Variants in ZNF844 observed in about 807,000 individuals in gnomAD.
The protein encoded by ZNF844 is zinc finger protein 844.
In ZNF844, 11 loss-of-function variants were observed where a neutral mutation model predicts 11.4. The ratio of observed to expected loss-of-function variants is 0.97; its 90% CI spans 0.61 to 1.60. The LOEUF is 1.60. Among genes scored for constraint, ZNF844 ranks in the 40% most tolerant of loss-of-function variants. ZNF844 has a pLI of 0.00. For missense variants in ZNF844, 790 were observed against 796.8 expected (o/e 0.99, Z 0.10); for synonymous variants, 248 against 260.3 (o/e 0.95, Z 0.46).
At chr19:12,066,141 G>T (rs1311226261) in intron 1 of ZNF844, among the ~76,000 whole-genome samples, 1 of 151,976 alleles carries the variant, frequency 6.6e-6, no homozygotes, top group East Asian at 2.0e-4. Flanking sequence ...GCCCAGGCTG[G>T]TCTTGAACTC....
chr19:12,077,332 T>A lies in ZNF844; in HGVS notation c.*211T>A. ...CAATGTGGAAAAGCCTTTATTTCTT[T>A]CAGTTCCATTCAGTACCATGAAAGG... On this transcript the variant is annotated 3_prime_UTR_variant, in exon 4 of 4. Transcript: ENST00000439326. 1.1e-6 allele frequency: 1 copy of A among 887,002 alleles called. No homozygotes were observed. The highest frequency in any genetic ancestry group is 1.9e-6 in the Non-Finnish European group (1 of 532,606). The allele number at this position is 887,002 out of a possible 1,614,324, so 54.9% of individuals were successfully genotyped here.
At position 12,076,568 on chromosome 19, in the gene ZNF844, A is replaced by C. The variant is rs1975823444; in HGVS notation, c.1448A>C (p.Lys483Thr). 1 of 1,611,630 alleles carries C rather than the reference A, an allele frequency of 6.2e-7. No individual in the cohort carries two copies. Among genetic ancestry groups the C allele is most frequent in the South Asian group, 1.1e-5 (1 of 90,540 alleles). The change falls in exon 4 of 4, where the codon AAG becomes ACG. Residue 483 changes from lysine to threonine, a missense_variant. By Grantham distance (78) the Lys-to-Thr change is moderately conservative. Coordinates refer to ENST00000439326, the MANE Select transcript of ZNF844 (RefSeq NM_001136501.3). ...RNPMNVSSVV[K>T]PSFFPLPFDI... The stretch of plus-strand genomic sequence containing the variant: ...CCTATGAATGTAAGCAGTGTGGTAA[A>C]GCCTTCATTTTTTCCACTTCCTTTC...
Position 12,075,675 on chromosome 19 carries a change from A to G in ZNF844, c.555A>G (p.Gln185=), listed in dbSNP as rs1360465931. 2 of 1,612,636 alleles carry G rather than the reference A, an allele frequency of 1.2e-6. No homozygotes were observed. Among genetic ancestry groups the G allele is most frequent in the Admixed American group, 3.4e-5 (2 of 59,536 alleles). ...CCTTCATATCCCATTCAAGCATTCA[A>G]AGACACATGATAATGCACAATGGAG... ...GKTFISHSSI[Q]RHMIMHNGDG... is the part of the protein sequence containing the mutation. Residue 185 remains glutamine, a synonymous_variant, in exon 4 of 4, where the codon CAA becomes CAG. Transcript: ENST00000439326.
At position 12,077,621 on chromosome 19, in the gene ZNF844, C is replaced by T. The variant is rs73923380; in HGVS notation, c.*500C>T. 4,025 of 533,810 alleles carry T rather than the reference C, an allele frequency of 7.5e-3. 79 individuals are homozygous for T. The highest frequency in any genetic ancestry group is 0.049 in the African/African-American group (2,480 of 50,744). The allele number at this position is 533,810 out of a possible 1,614,324, so 33.1% of individuals were successfully genotyped here. A position where few individuals can be genotyped will look rare whatever the true frequency, so the allele number is the denominator to read the frequency against. ...AGATGCATAGAAAGATTCACACTGG[C>T]GAGAAACCCTATGAATGTAAGCAAT... On this transcript the variant is annotated 3_prime_UTR_variant, in exon 4 of 4. Coordinates refer to ENST00000439326, the MANE Select transcript of ZNF844 (RefSeq NM_001136501.3).
chr19:12,077,480 T>C lies in ZNF844; in HGVS notation c.*359T>C, dbSNP rs528368858. The C allele has an allele frequency of 2.3e-5, 14 of 607,890 alleles. No individual in the cohort carries two copies. The highest frequency in any genetic ancestry group is 2.2e-4 in the African/African-American group (12 of 53,776). The allele number at this position is 607,890 out of a possible 1,614,324, so 37.7% of individuals were successfully genotyped here. A position where few individuals can be genotyped will look rare whatever the true frequency, so the allele number is the denominator to read the frequency against. On this transcript the variant is annotated 3_prime_UTR_variant, in exon 4 of 4. Transcript: ENST00000439326. ...AGAAACACTATGAATGTAAGCAGTG[T>C]GGGAAAGCCTTCATTTCTTCCGGTA...
chr19:12,072,650 C>G (rs1306917042), intron 1 of ZNF844, among the ~76,000 whole-genome samples: 2 of 152,032 alleles, frequency 1.3e-5, no homozygotes, highest in Non-Finnish European at 2.9e-5. Context: ...ATGGCGCGAT[C>G]TACGCTCACT....
At chr19:12,071,883 CTT>C (rs533482850) in intron 1 of ZNF844, among the ~76,000 whole-genome samples, 12 of 139,176 alleles carry the variant, frequency 8.6e-5, no homozygotes, top group Admixed American at 7.3e-5. Flanking sequence ...AATTTTTTTT[CTT>C]TTTTTTTTTT....
In ZNF844 at chr19:12,074,172, A is replaced by G. The variant is rs1294605562; in HGVS notation, c.130+15A>G. 4 of 1,612,962 alleles carry G rather than the reference A, an allele frequency of 2.5e-6. No individual in the cohort carries two copies. In the Admixed American group the frequency reaches 6.7e-5, roughly 27 times the overall value. On this transcript the variant is annotated intron_variant, in intron 2 of 3. Coordinates refer to ENST00000439326, the MANE Select transcript of ZNF844 (RefSeq NM_001136501.3). ...GGCCTCCATAGGTAAGAATGACAGTATTACGTCCCCCAGTGAATGAGACAA... is the reference window on the plus strand; with the variant it reads ...GGCCTCCATAGGTAAGAATGACAGTGTTACGTCCCCCAGTGAATGAGACAA...
chr19:12,077,294 CTA>C lies in ZNF844; in HGVS notation c.*175_*176del. 1.7e-6 allele frequency: 2 copies of C among 1,200,764 alleles called. No homozygotes were observed. Among genetic ancestry groups the C allele is most frequent in the Non-Finnish European group, 2.5e-6 (2 of 808,664 alleles). The allele number at this position is 1,200,764 out of a possible 1,614,324, so 74.4% of individuals were successfully genotyped here. A position where few individuals can be genotyped will look rare whatever the true frequency, so the allele number is the denominator to read the frequency against. On this transcript the variant is annotated 3_prime_UTR_variant, in exon 4 of 4. Coordinates refer to ENST00000439326, the MANE Select transcript of ZNF844 (RefSeq NM_001136501.3). Reference sequence around the variant, plus strand: ...AAAGGACTCACACTGGAGAGAAACCCTATGAGTGTAAGCAATGTGGAAAAGCC... The same window carrying C: ...AAAGGACTCACACTGGAGAGAAACCCTGAGTGTAAGCAATGTGGAAAAGCC...
chr19:12,077,521 A>G lies in ZNF844; in HGVS notation c.*400A>G. On this transcript the variant is annotated 3_prime_UTR_variant, in exon 4 of 4. Coordinates refer to ENST00000439326, the MANE Select transcript of ZNF844 (RefSeq NM_001136501.3). The stretch of plus-strand genomic sequence containing the variant: ...TCTTCCGGTAGCCTTCGATATCATG[A>G]AAGGACTCACACTGGAGAGAAACCC... 1 of 608,112 alleles carries G rather than the reference A, an allele frequency of 1.6e-6. No homozygotes were observed. Among genetic ancestry groups the G allele is most frequent in the East Asian group, 4.7e-5 (1 of 21,434 alleles). The allele number at this position is 608,112 out of a possible 1,614,324, so 37.7% of individuals were successfully genotyped here. A position where few individuals can be genotyped will look rare whatever the true frequency, so the allele number is the denominator to read the frequency against.
In ZNF844 at chr19:12,076,430, T is replaced by G. The variant is rs776448869; in HGVS notation, c.1310T>G (p.Ile437Ser). Residue 437 changes from isoleucine (I) to serine (S), a missense_variant, in exon 4 of 4, where the codon ATC becomes AGC. Transcript: ENST00000439326. ...TCATTTCTTCCACTTCCTTTCGATA[T>G]CATGAAAGGACTCACACTGGAGAGA... Reference protein sequence around the residue: ...KPSFLPLPFDIMKGLTLERNR... With the variant: ...KPSFLPLPFDSMKGLTLERNR... The G allele has an allele frequency of 2.5e-6, 4 of 1,611,836 alleles. No individual in the cohort carries two copies. Among genetic ancestry groups the G allele is most frequent in the Non-Finnish European group, 3.4e-6 (4 of 1,179,292 alleles).
In ZNF844 at chr19:12,076,540, A is replaced by G. The variant is rs761245792; in HGVS notation, c.1420A>G (p.Asn474Asp). ...CATGGAAGGACTCACACTCAAGAGA[A>G]ACCCTATGAATGTAAGCAGTGTGGT... ...KCMEGLTLKRNPMNVSSVVKP... is the reference protein window; with the variant it reads ...KCMEGLTLKRDPMNVSSVVKP... Residue 474 changes from asparagine (N) to aspartate (D), a missense_variant, in exon 4 of 4, where the codon AAC (asparagine) becomes GAC (aspartate). Asn to Asp is a conservative substitution (Grantham distance 23, BLOSUM62 1). Coordinates refer to ENST00000439326, the MANE Select transcript of ZNF844 (RefSeq NM_001136501.3). 71 of 1,609,578 alleles carry G rather than the reference A, an allele frequency of 4.4e-5. No individual in the cohort carries two copies. The South Asian group carries it at 7.6e-4, about 17-fold the overall frequency.
chr19:12,076,861 G>A lies in ZNF844; in HGVS notation c.1741G>A (p.Glu581Lys). The A allele has an allele frequency of 6.4e-7, 1 of 1,564,266 alleles. No individual in the cohort carries two copies. The highest frequency in any genetic ancestry group is 8.7e-7 in the Non-Finnish European group (1 of 1,154,206). The change falls in exon 4 of 4, where the codon GAG becomes AAG. Residue 581 changes from glutamate to lysine, a missense_variant. By Grantham distance (56) the Glu-to-Lys change is moderately conservative. This residue lies in a region of ZNF844 where 657 missense variants were observed against 636.2 expected (regional missense o/e 1.03). Transcript: ENST00000439326. ...TTTCAAATACATGCAACAATGCACA[G>A]AGGACAGAATGCCTATGAATGTAAA... ...LPFKYMQQCT[E>K]DRMPMNVKSV... is the part of the protein sequence containing the mutation.
chr19:12,066,272 T>C (rs1389332823), intron 1 of ZNF844, among the ~76,000 whole-genome samples: 1 of 151,710 alleles, frequency 6.6e-6, no homozygotes, highest in Non-Finnish European at 1.5e-5. Flanking sequence ...TGGGAAATGG[T>C]CCTCCTGAGT....
At position 12,076,186 on chromosome 19, in the gene ZNF844, A is replaced by G. The variant is rs61998199; in HGVS notation, c.1066A>G (p.Lys356Glu). 8,199 of 1,587,366 alleles carry G rather than the reference A, an allele frequency of 5.2e-3. 35 individuals carry two copies. The highest frequency in any genetic ancestry group is 9.6e-3 in the South Asian group (855 of 88,738). ...LSYLNFQRHM[K>E]MHTRMRPYKC... ...TTATCTTAACTTTCAAAGACACATG[A>G]AAATGCACACTAGAATGAGACCTTA... The change falls in exon 4 of 4, where the codon AAA becomes GAA. Residue 356 changes from lysine (K) to glutamate (E), a missense_variant. Physicochemically the swap from Lys to Glu is moderately conservative, Grantham distance 56. Transcript: ENST00000439326.
In ZNF844 at chr19:12,076,851, A is replaced by G. The variant is rs764099290; in HGVS notation, c.1731A>G (p.Gln577=). The G allele has an allele frequency of 4.5e-6, 7 of 1,562,116 alleles. No homozygotes were observed. The highest frequency in any genetic ancestry group is 4.3e-6 in the Non-Finnish European group (5 of 1,152,756). The change falls in exon 4 of 4, where the codon CAA becomes CAG. Residue 577 remains glutamine, a synonymous_variant. Transcript: ENST00000439326. The part of the protein sequence containing the change: ...STISLPFKYM[Q]QCTEDRMPMN... ...TTTCTCTTCCTTTCAAATACATGCA[A>G]CAATGCACAGAGGACAGAATGCCTA...
chr19:12,067,796 G>T (rs1975706272), intron 1 of ZNF844, among the ~76,000 whole-genome samples: 1 of 150,706 alleles, frequency 6.6e-6, no homozygotes, highest in Admixed American at 6.7e-5. Context: ...GGCACCTGTA[G>T]TCCCAGCTAT....
intron 1 of ZNF844, among the ~76,000 whole-genome samples, chr19:12,068,789 T>C (rs1975720325): frequency 6.6e-6 from 1 of 152,232 alleles, no homozygotes; most frequent in Non-Finnish European, 1.5e-5. Context: ...TTTCCATGTG[T>C]AAACCTGAAC....
chr19:12,075,298 C>G lies in ZNF844; in HGVS notation c.192-14C>G, dbSNP rs1253638395. On this transcript the variant is annotated splice_polypyrimidine_tract_variant and intron_variant, in intron 3 of 3. Coordinates refer to ENST00000439326, the MANE Select transcript of ZNF844 (RefSeq NM_001136501.3). ...TAAACAAACCTTCAATAATGTGTTT[C>G]TCATTTTTCACAGAAGTCTTCTGGG... 1.5e-6 allele frequency: 2 copies of G among 1,379,240 alleles called. No individual in the cohort carries two copies. Among genetic ancestry groups the G allele is most frequent in the African/African-American group, 2.9e-5 (2 of 67,926 alleles). The allele number at this position is 1,379,240 out of a possible 1,614,324, so 85.4% of individuals were successfully genotyped here. A position where few individuals can be genotyped will look rare whatever the true frequency, so the allele number is the denominator to read the frequency against.
Sources: gnomAD v4.1 joint callset for allele counts (sites outside exome capture counted in the v4.1 genomes callset) on GRCh38, gnomAD v4.1.1 for gene constraint, gnomAD v4.1.1 regional missense constraint, MANE v1.5 for transcripts, NCBI Gene and HGNC (gene_info 2026-07-23, HGNC 2026-07-21) for gene names.